AQP7: variants seen among roughly 807,000 people sequenced by gnomAD.
AQP7 encodes the protein aquaporin-7.
AQP7 carries 22 observed loss-of-function variants against 26.1 expected under a neutral mutation model. The ratio of observed to expected loss-of-function variants is 0.84; its 90% CI spans 0.60 to 1.20. The LOEUF is 1.20. Among genes scored for constraint, AQP7 ranks in the 50% most tolerant of loss-of-function variants. AQP7 has a pLI of 0.00. For synonymous variants in AQP7, 167 were observed against 181.7 expected (o/e 0.92, Z 0.65); for missense variants, 412 against 457.5 (o/e 0.90, Z 0.91).
chr9:33,395,301 G>T (rs570276446), intron 2 of AQP7, 106 bp from the exon 3 acceptor site: 3 of 866,530 alleles, frequency 3.5e-6, no homozygotes, highest in South Asian at 1.5e-5. Flanking sequence ...CAGCAGCCTC[G>T]CCCACACACG....
At chr9:33,396,666 C>A (rs905961384) in intron 2 of AQP7, among the ~76,000 whole-genome samples, 25 of 143,326 alleles carry the variant, frequency 1.7e-4, no homozygotes, top group Non-Finnish European at 3.4e-4. Context: ...GGCTCCTTTA[C>A]CCACCAGCCT....
intron 3 of AQP7, among the ~76,000 whole-genome samples, chr9:33,389,769 G>A (rs1422979652): frequency 6.6e-6 from 1 of 152,118 alleles, no homozygotes. Flanking sequence ...GGATGCGGTG[G>A]CTCATGCCTG....
In AQP7 at chr9:33,386,466, T is replaced by C. The variant is rs868498427; in HGVS notation, c.344A>G (p.Tyr115Cys). 2.5e-6 allele frequency: 4 copies of C among 1,612,052 alleles called. No individual in the cohort carries two copies. The Middle Eastern group carries it at 5.0e-4, about 200-fold the overall frequency. ...GGAGCCCAGGAACTGCCCCAGCACA[T>C]AGACCGGAAACTTCCTCCAGGGCAC... ...GRVPWRKFPVYVLGQFLGSFL... is the reference protein window; with the variant it reads ...GRVPWRKFPVCVLGQFLGSFL... The change falls in exon 5 of 8, where the codon TAT becomes TGT. Residue 115 changes from tyrosine (Y) to cysteine (C), a missense_variant. Physicochemically the swap from Tyr to Cys is radical, Grantham distance 194 (BLOSUM62 -2). Coordinates refer to ENST00000297988, the MANE Select transcript of AQP7 (RefSeq NM_001170.3).
intron 2 of AQP7, among the ~76,000 whole-genome samples, chr9:33,399,787 A>T (rs1333236291): frequency 1.3e-5 from 2 of 151,972 alleles, no homozygotes; most frequent in Non-Finnish European, 2.9e-5. Flanking sequence ...GTGAGGCCTG[A>T]AGGGGGTTTT....
chr9:33,401,259 C>T lies in AQP7; in HGVS notation c.4G>A (p.Val2Ile), dbSNP rs1458881244. 6.5e-7 allele frequency: 1 copy of T among 1,549,320 alleles called. No individual in the cohort carries two copies. Among genetic ancestry groups the T allele is most frequent in the Non-Finnish European group, 8.7e-7 (1 of 1,146,768 alleles). MVQASGHRRSTR... is the reference protein window; with the variant it reads MIQASGHRRSTR... Reference sequence around the variant, plus strand: ...TACCGCCTGTGCCCGGATGCTTGAACCATGTTTTGTCTTTCAGATTTGTAG... The same window carrying T: ...TACCGCCTGTGCCCGGATGCTTGAATCATGTTTTGTCTTTCAGATTTGTAG... The change falls in exon 2 of 8, where the codon GTT becomes ATT. Residue 2 changes from valine to isoleucine, a missense_variant. By Grantham distance (29) the Val-to-Ile change is conservative. Transcript: ENST00000297988.
chr9:33,399,436 A>G (rs921668489), intron 2 of AQP7, among the ~76,000 whole-genome samples: 6 of 146,300 alleles, frequency 4.1e-5, no homozygotes, highest in Admixed American at 1.3e-4. Flanking sequence ...TTCCACTAAT[A>G]ATAAAAAAAA....
intron 3 of AQP7, among the ~76,000 whole-genome samples, chr9:33,390,568 G>A (rs113553820): frequency 2.0e-5 from 3 of 152,138 alleles, no homozygotes; most frequent in Admixed American, 2.0e-4. Flanking sequence ...AGCTGAGCAG[G>A]GCCCACTGGG....
chr9:33,386,498 C>A lies in AQP7; in HGVS notation c.312G>T (p.Leu104=). ...GAAACTTCCTCCAGGGCACGCGGCC[C>A]AGCGCACAGTTAGCAAAGGTCACAG... ...NAAVTFANCA[L]GRVPWRKFPV... The change falls in exon 5 of 8, where the codon CTG becomes CTT. Residue 104 remains leucine, a synonymous_variant. Transcript: ENST00000297988. 3.7e-6 allele frequency: 6 copies of A among 1,612,602 alleles called. No individual in the cohort carries two copies. The highest frequency in any genetic ancestry group is 5.1e-6 in the Non-Finnish European group (6 of 1,179,340).
At chr9:33,388,421 G>A (rs142991415) in intron 3 of AQP7, among the ~76,000 whole-genome samples, 14 of 152,070 alleles carry the variant, frequency 9.2e-5, no homozygotes, top group South Asian at 4.1e-4. Flanking sequence ...ACCCCATCGC[G>A]TCTTCCCCAG....
chr9:33,390,164 A>G (rs1005696767), intron 3 of AQP7, among the ~76,000 whole-genome samples: 1 of 151,902 alleles, frequency 6.6e-6, no homozygotes, highest in Non-Finnish European at 1.5e-5. Context: ...GAAGGGAGGG[A>G]TGTTTCATTT....
intron 6 of AQP7, 28 bp downstream of exon 6, chr9:33,386,049 G>A (rs370984855): frequency 8.9e-5 from 144 of 1,611,970 alleles, no homozygotes; most frequent in Non-Finnish European, 1.2e-4. Flanking sequence ...GAGGGCAGGG[G>A]GAGGGATACT....
intron 2 of AQP7, among the ~76,000 whole-genome samples, chr9:33,398,541 G>A (rs1826013986): frequency 6.6e-6 from 1 of 152,206 alleles, no homozygotes; most frequent in Admixed American, 6.5e-5. Flanking sequence ...TGACAGGCTT[G>A]GTGTTTGGTT....
chr9:33,385,723 A>G lies in AQP7; in HGVS notation c.669T>C (p.Tyr223=), dbSNP rs1824698667. 7.4e-6 allele frequency: 12 copies of G among 1,613,846 alleles called. No homozygotes were observed. Among genetic ancestry groups the G allele is most frequent in the Non-Finnish European group, 1.0e-5 (12 of 1,180,050 alleles). ...IGVSLGMNTG[Y]AINPSRDLPP... ...GCAGGTCCCGGGACGGGTTGATGGC[A>G]TATCCTGTGTTCATGCCAAGGGACA... Residue 223 remains tyrosine (Y), a synonymous_variant, in exon 7 of 8, where the codon TAT becomes TAC. Transcript: ENST00000297988.
Position 33,386,073 on chromosome 9 carries a change from T to C in AQP7, c.525+4A>G, listed in dbSNP as rs1824748863. 6.2e-7 allele frequency: 1 copy of C among 1,612,806 alleles called. No homozygotes were observed. Among genetic ancestry groups the C allele is most frequent in the South Asian group, 1.1e-5 (1 of 91,028 alleles). ...GGGAGGGATACTCATCCTCGACCAC[T>C]GACCTCATTCAGGAAGCCCCGCCAC... On this transcript the variant is annotated splice_donor_region_variant and intron_variant, in intron 6 of 7. Coordinates refer to ENST00000297988, the MANE Select transcript of AQP7 (RefSeq NM_001170.3).
chr9:33,392,320 T>C (rs1268109586), intron 3 of AQP7, among the ~76,000 whole-genome samples: 1 of 149,916 alleles, frequency 6.7e-6, no homozygotes, highest in Non-Finnish European at 1.5e-5. Context: ...AAAAAGACTG[T>C]GATATTAGAC....
At chr9:33,401,699 GCACACA>G in intron 1 of AQP7, 1 of 223,280 alleles carries the variant, frequency 4.5e-6, no homozygotes, top group Non-Finnish European at 9.2e-6. Flanking sequence ...ATGCACGCAT[GCACACA>G]CACACACACA....
Position 33,386,134 on chromosome 9 carries a change from GC to G in AQP7, c.467del (p.Gly156AlafsTer11). ...LMVTGPVATA[G>X]IFATYLPDHM... ...GATCAGGAAGGTAGGTGGCAAAAAT[GC>G]CAGCTGTAGCGACGGGACCGGTCAC... On this transcript the variant is annotated frameshift_variant, in exon 6 of 8. Transcript: ENST00000297988. LOFTEE classifies it high-confidence loss of function. 6.2e-7 allele frequency: 1 copy of G among 1,613,974 alleles called. No individual in the cohort carries two copies. Among genetic ancestry groups the G allele is most frequent in the Non-Finnish European group, 8.5e-7 (1 of 1,179,868 alleles).
intron 3 of AQP7, among the ~76,000 whole-genome samples, chr9:33,391,250 A>C (rs552610703): frequency 1.1e-4 from 16 of 152,344 alleles, no homozygotes; most frequent in African/African-American, 3.8e-4. Context: ...GAAGAACAGA[A>C]GTTTCCTTCT....
At chr9:33,401,689 ATG>A in intron 1 of AQP7, 1 of 250,242 alleles carries the variant, frequency 4.0e-6, no homozygotes, top group Non-Finnish European at 8.1e-6. Flanking sequence ...ACACACACAC[ATG>A]CACGCATGCA....
Sources: gnomAD v4.1 joint callset for allele counts (sites outside exome capture counted in the v4.1 genomes callset) on GRCh38, gnomAD v4.1.1 for gene constraint, MANE v1.5 for transcripts, NCBI Gene and HGNC (gene_info 2026-07-23, HGNC 2026-07-21) for gene names.